The following MCPH1 variants were observed in gnomAD, a reference collection of about 807,000 sequenced individuals.
MCPH1 encodes the protein microcephalin 1, also known as microcephalin.
MCPH1 carries 104 observed loss-of-function variants against 84.5 expected under a neutral mutation model. The ratio of observed to expected loss-of-function variants is 1.23; its 90% confidence interval spans 1.05 to 1.45. The LOEUF is 1.45. Among genes scored for constraint, MCPH1 ranks in the 40% most tolerant of loss-of-function variants. The pLI is 0.00. For missense variants in MCPH1, 1,498 were observed against 1,005.7 expected (o/e 1.49, Z -6.62); for synonymous variants, 514 against 366.8 (o/e 1.40, Z -4.58).
intron 12 of MCPH1, among the ~76,000 whole-genome samples, chr8:6,543,714 C>G (rs1353097456): frequency 6.6e-6 from 1 of 151,986 alleles, no homozygotes; most frequent in South Asian, 2.1e-4. Flanking sequence ...GATAATCTAC[C>G]CCTTGTATTG....
intron 3 of MCPH1, among the ~76,000 whole-genome samples, chr8:6,426,062 G>T (rs1391031451): frequency 1.3e-5 from 2 of 152,148 alleles, no homozygotes; most frequent in African/African-American, 4.8e-5. Flanking sequence ...TTAAAAAGAA[G>T]CACAGTTAAA....
At chr8:6,610,899 C>G (rs557212984) in intron 12 of MCPH1, among the ~76,000 whole-genome samples, 1 of 151,820 alleles carries the variant, frequency 6.6e-6, no homozygotes, top group African/African-American at 2.4e-5. Flanking sequence ...TTTCATATTA[C>G]AAAATTGAAA....
At chr8:6,597,126 A>T (rs1828989506) in intron 12 of MCPH1, among the ~76,000 whole-genome samples, 1 of 152,172 alleles carries the variant, frequency 6.6e-6, no homozygotes, top group Admixed American at 6.5e-5. Context: ...CTTGTACCTT[A>T]TCTAAGCCTC....
At chr8:6,467,058 T>C (rs749165330) in intron 9 of MCPH1, among the ~76,000 whole-genome samples, 5 of 152,230 alleles carry the variant, frequency 3.3e-5, no homozygotes, top group Non-Finnish European at 7.3e-5. Flanking sequence ...TTAAATACAA[T>C]GACAAAAACT....
At chr8:6,465,673 G>T (rs1471661158) in intron 9 of MCPH1, among the ~76,000 whole-genome samples, 1 of 152,204 alleles carries the variant, frequency 6.6e-6, no homozygotes, top group South Asian at 2.1e-4. Flanking sequence ...ACAAGGAAGG[G>T]CGGAGGGCGG....
chr8:6,636,729 A>G (rs1319142296), intron 13 of MCPH1, among the ~76,000 whole-genome samples: 2 of 152,190 alleles, frequency 1.3e-5, no homozygotes, highest in Admixed American at 1.3e-4. Flanking sequence ...TGAAACATAA[A>G]TGAATTTTGG....
chr8:6,431,686 T>A, intron 4 of MCPH1, 100 bp downstream of exon 4: 1 of 770,704 alleles, frequency 1.3e-6, no homozygotes, highest in East Asian at 2.7e-5. Flanking sequence ...TATTCAAGAG[T>A]TGTCTTAAAT....
chr8:6,517,340 G>C (rs1816457751), intron 12 of MCPH1, among the ~76,000 whole-genome samples: 1 of 152,202 alleles, frequency 6.6e-6, no homozygotes. Context: ...CAATGATTAA[G>C]TGACGGGTTA....
At chr8:6,519,550 G>A (rs1816908124) in intron 12 of MCPH1, among the ~76,000 whole-genome samples, 1 of 152,208 alleles carries the variant, frequency 6.6e-6, no homozygotes, top group African/African-American at 2.4e-5. Context: ...TTAAGGAAAT[G>A]AGTCTGACAC....
intron 12 of MCPH1, among the ~76,000 whole-genome samples, chr8:6,571,021 C>A (rs561937492): frequency 6.6e-6 from 1 of 151,800 alleles, no homozygotes; most frequent in South Asian, 2.1e-4. Context: ...AAAAAAAATT[C>A]CTTGAGTTTT....
intron 9 of MCPH1, among the ~76,000 whole-genome samples, chr8:6,466,545 G>A (rs1303454260): frequency 6.6e-6 from 1 of 152,198 alleles, no homozygotes; most frequent in African/African-American, 2.4e-5. Context: ...CTGACCTCGT[G>A]ATCCGCCCGC....
chr8:6,423,357 G>A (rs942204995), intron 3 of MCPH1, among the ~76,000 whole-genome samples: 1 of 150,928 alleles, frequency 6.6e-6, no homozygotes, highest in Admixed American at 6.6e-5. Context: ...AGTAGAGACG[G>A]GGTTTCACCG....
At chr8:6,411,162 T>C (rs1397313407) in intron 2 of MCPH1, among the ~76,000 whole-genome samples, 4 of 152,164 alleles carry the variant, frequency 2.6e-5, no homozygotes, top group Non-Finnish European at 5.9e-5. Flanking sequence ...AGGTCATTTC[T>C]TGGGCATTTA....
At chr8:6,621,994 C>G (rs964808761) in intron 13 of MCPH1, 2 of 431,604 alleles carry the variant, frequency 4.6e-6, no homozygotes, top group Admixed American at 2.9e-5. Context: ...CCTGTGGGCA[C>G]AGACTCTCCG....
rs907737204 is a variant in MCPH1 at position 6,483,747 on chromosome 8, C to T, written c.2136+2871C>T. On this transcript the variant is annotated intron_variant, in intron 11 of 13. Coordinates refer to ENST00000344683, the MANE Select transcript of MCPH1 (RefSeq NM_024596.5). The stretch of plus-strand genomic sequence containing the variant: ...TGGTGGCACCTGCCTGTAATCCCAG[C>T]TACTCAGGAGGCTGAGGCACAAGAA... Among the ~76,000 whole-genome samples the T allele has an allele frequency of 3.9e-5, 6 of 152,130 alleles. No homozygotes were observed. The South Asian group carries it at 1.0e-3, about 26-fold the overall frequency.
intron 12 of MCPH1, among the ~76,000 whole-genome samples, chr8:6,576,498 T>TCCCTTCCTCTTC (rs1554462026): frequency 1.4e-5 from 2 of 139,712 alleles, no homozygotes; most frequent in Admixed American, 7.3e-5. Flanking sequence ...CTTTTCCCTT[T>TCCCTTCCTCTTC]CCCTTCCCCT....
chr8:6,598,185 A>G lies in MCPH1; in HGVS notation c.2215-23269A>G, dbSNP rs569533607. ...GAGGCAAAGGCGGTCAATCAGAGTG[A>G]GCACCAGAGACTCCGTGTACCTGGG... is the stretch of plus-strand genomic sequence containing the variant. On this transcript the variant is annotated intron_variant, in intron 12 of 13. Transcript: ENST00000344683. Among the ~76,000 whole-genome samples the G allele has an allele frequency of 3.2e-3, 481 of 152,340 alleles. 4 individuals carry two copies. Among genetic ancestry groups the G allele is most frequent in the African/African-American group, 0.011 (438 of 41,572 alleles).
chr8:6,647,786 TG>T lies in MCPH1; in HGVS notation c.*4740del, dbSNP rs1413498123. On this transcript the variant is annotated 3_prime_UTR_variant, in exon 14 of 14. Coordinates refer to ENST00000344683, the MANE Select transcript of MCPH1 (RefSeq NM_024596.5). ...GAGTGGGAACAGAGAGCAAACATTTTGGGATGATGGAAACATTCTAAAACTG... is the reference window on the plus strand; with the variant it reads ...GAGTGGGAACAGAGAGCAAACATTTTGGATGATGGAAACATTCTAAAACTG... 1 of 152,230 alleles carries T rather than the reference TG, an allele frequency of 6.6e-6. No homozygotes were observed. The highest frequency in any genetic ancestry group is 1.5e-5 in the Non-Finnish European group (1 of 68,044). 9.4% of individuals were successfully genotyped at this position (152,230 alleles called of 1,614,324 possible). A position where few individuals can be genotyped will look rare whatever the true frequency, so the allele number is the denominator to read the frequency against.
At chr8:6,626,416 C>T in intron 13 of MCPH1, 3 of 977,732 alleles carry the variant, frequency 3.1e-6, no homozygotes, top group Non-Finnish European at 3.6e-6. Context: ...GGCCAAGATT[C>T]TTGATGAATC....
Sources: allele counts gnomAD v4.1 joint callset (sites outside exome capture counted in the v4.1 genomes callset), GRCh38; gene constraint gnomAD v4.1.1; transcripts MANE v1.5; gene names NCBI Gene and HGNC (gene_info 2026-07-23, HGNC 2026-07-21).